Variants in SDK1 observed in about 807,000 individuals in gnomAD.
The protein encoded by SDK1 is protein sidekick-1.
SDK1 carries 157 observed loss-of-function variants against 245.5 expected under a neutral mutation model. The ratio of observed to expected loss-of-function variants is 0.64; its 90% CI spans 0.56 to 0.73. The LOEUF (loss-of-function observed/expected upper bound fraction) is 0.73, where lower values mean the gene tolerates loss of function less well. Among genes scored for constraint, SDK1 ranks in the 30% least tolerant of loss-of-function variants. The pLI is 0.00. For missense variants in SDK1, 3,583 were observed against 3,002.3 expected (o/e 1.19, Z -4.52); for synonymous variants, 1,647 against 1,278.5 (o/e 1.29, Z -6.15).
chr7:3,890,272 TG>T (rs1781429196), intron 5 of SDK1, among the ~76,000 whole-genome samples: 1 of 152,244 alleles, frequency 6.6e-6, no homozygotes, highest in Non-Finnish European at 1.5e-5. Flanking sequence ...ATGGAGTTGT[TG>T]AGCACTTACA....
intron 5 of SDK1, among the ~76,000 whole-genome samples, chr7:3,945,459 T>G (rs1780537134): frequency 2.6e-5 from 4 of 152,138 alleles, no homozygotes; most frequent in Non-Finnish European, 5.9e-5. Context: ...CAGAAAGTAT[T>G]TATACTCTCC....
At chr7:3,454,257 A>G (rs1157607706) in intron 1 of SDK1, among the ~76,000 whole-genome samples, 1 of 152,214 alleles carries the variant, frequency 6.6e-6, no homozygotes. Flanking sequence ...CGATACAGCT[A>G]GATTATGAAA....
intron 4 of SDK1, among the ~76,000 whole-genome samples, chr7:3,716,028 A>C (rs1785191871): frequency 6.6e-6 from 1 of 152,096 alleles, no homozygotes; most frequent in Admixed American, 6.5e-5. Context: ...GCTCAGTAAT[A>C]AAGTGGAGAA....
intron 14 of SDK1, among the ~76,000 whole-genome samples, chr7:4,001,857 C>T (rs144965789): frequency 1.3e-5 from 2 of 152,224 alleles, no homozygotes; most frequent in Non-Finnish European, 2.9e-5. Context: ...ATCCCTGTCA[C>T]TCCTGTGGCC....
At chr7:3,837,962 G>A (rs900136368) in intron 5 of SDK1, among the ~76,000 whole-genome samples, 4 of 152,254 alleles carry the variant, frequency 2.6e-5, no homozygotes, top group African/African-American at 7.2e-5. Flanking sequence ...GTCCTGACCA[G>A]GAAGACTTGG....
intron 13 of SDK1, among the ~76,000 whole-genome samples, chr7:3,977,795 G>T (rs748100569): frequency 6.6e-6 from 1 of 152,248 alleles, no homozygotes; most frequent in Non-Finnish European, 1.5e-5. Flanking sequence ...AATTTTGAGT[G>T]CCTGATGTAG....
At chr7:3,414,735 A>T (rs1390630785) in intron 1 of SDK1, among the ~76,000 whole-genome samples, 1 of 152,158 alleles carries the variant, frequency 6.6e-6, no homozygotes, top group Non-Finnish European at 1.5e-5. Context: ...CTCACTAGCA[A>T]TTCCTCCTAC....
intron 1 of SDK1, among the ~76,000 whole-genome samples, chr7:3,599,854 C>G (rs537559761): frequency 2.6e-5 from 4 of 152,290 alleles, no homozygotes; most frequent in African/African-American, 9.6e-5. Flanking sequence ...TAGATAGTAA[C>G]TTTGAAATCA....
At chr7:3,492,913 G>A (rs1781907132) in intron 1 of SDK1, among the ~76,000 whole-genome samples, 1 of 152,114 alleles carries the variant, frequency 6.6e-6, no homozygotes, top group Admixed American at 6.6e-5. Flanking sequence ...AGTAGCTTAT[G>A]CATGTACTGT....
chr7:3,969,199 C>T (rs1211928823), intron 10 of SDK1, 58 bp from the exon 11 acceptor site: 27 of 1,436,916 alleles, frequency 1.9e-5, no homozygotes, highest in Non-Finnish European at 2.4e-5. Context: ...TAACCACTAT[C>T]TTCATTTCCT....
At chr7:4,226,803 C>A (rs1785474367) in intron 40 of SDK1, among the ~76,000 whole-genome samples, 1 of 152,180 alleles carries the variant, frequency 6.6e-6, no homozygotes. Flanking sequence ...CTGGGTAGAT[C>A]ATGAAGCCTA....
At chr7:4,158,959 G>A (rs1483607892) in intron 31 of SDK1, among the ~76,000 whole-genome samples, 4 of 152,220 alleles carry the variant, frequency 2.6e-5, no homozygotes, top group East Asian at 1.9e-4. Context: ...TCCAGGTGGC[G>A]TTTTCAGCCG....
intron 32 of SDK1, 88 bp downstream of exon 32, chr7:4,161,944 G>C: frequency 8.3e-7 from 1 of 1,201,956 alleles, no homozygotes; most frequent in Non-Finnish European, 1.2e-6. Context: ...TGGACTGCAA[G>C]CTGAGCCCTG....
At chr7:3,419,715 G>C (rs938265910) in intron 1 of SDK1, among the ~76,000 whole-genome samples, 2 of 152,132 alleles carry the variant, frequency 1.3e-5, no homozygotes, top group African/African-American at 2.4e-5. Context: ...AACATAATCT[G>C]TTTTTAGGTT....
chr7:4,051,747 C>G lies in SDK1; in HGVS notation c.2828C>G (p.Ala943Gly). 6.2e-7 allele frequency: 1 copy of G among 1,614,020 alleles called. No homozygotes were observed. Among genetic ancestry groups the G allele is most frequent in the Non-Finnish European group, 8.5e-7 (1 of 1,179,934 alleles). The change falls in exon 19 of 45, where the codon GCC becomes GGC. Residue 943 changes from alanine to glycine, a missense_variant. Transcript: ENST00000404826. ...GHITNLKKFT[A>G]YFTSVLCFTT... ...ATAACGAACCTGAAGAAGTTTACCGCCTACTTCACTTCCGTTCTGTGCTTC... is the reference window on the plus strand; with the variant it reads ...ATAACGAACCTGAAGAAGTTTACCGGCTACTTCACTTCCGTTCTGTGCTTC...
chr7:4,174,037 C>G (rs374119944), intron 32 of SDK1, among the ~76,000 whole-genome samples, 185 bp from the exon 33 acceptor site: 1 of 152,216 alleles, frequency 6.6e-6, no homozygotes, highest in Non-Finnish European at 1.5e-5. Flanking sequence ...GAGAGTATCT[C>G]CACAGCTTGG....
chr7:3,892,386 C>A (rs189118098), intron 5 of SDK1, among the ~76,000 whole-genome samples: 3 of 152,208 alleles, frequency 2.0e-5, no homozygotes, highest in African/African-American at 7.2e-5. Context: ...GGGCCCTGCT[C>A]TTCTCATGCT....
At chr7:3,913,209 T>G (rs1190336946) in intron 5 of SDK1, among the ~76,000 whole-genome samples, 1 of 151,992 alleles carries the variant, frequency 6.6e-6, no homozygotes, top group African/African-American at 2.4e-5. Flanking sequence ...GCGCTAAGCG[T>G]ACCTGGTTCT....
chr7:3,686,750 A>G (rs567821922), intron 4 of SDK1, among the ~76,000 whole-genome samples: 14 of 152,326 alleles, frequency 9.2e-5, no homozygotes, highest in African/African-American at 3.4e-4. Flanking sequence ...GGATCAGGTA[A>G]TGGCAGGCAG....
Sources: gnomAD v4.1 joint callset for allele counts (sites outside exome capture counted in the v4.1 genomes callset) on GRCh38, gnomAD v4.1.1 for gene constraint, MANE v1.5 for transcripts, NCBI Gene and HGNC (gene_info 2026-07-23, HGNC 2026-07-21) for gene names.